Variants in IL17D observed in about 807,000 individuals in gnomAD.
IL17D encodes interleukin 17D.
In IL17D, 10 loss-of-function variants were observed where a neutral mutation model predicts 5.7. The ratio of observed to expected loss-of-function variants is 1.75; its 90% confidence interval spans 1.08 to 2.97. The LOEUF (loss-of-function observed/expected upper bound fraction) is 2.97. Among genes scored for constraint, IL17D ranks in the 30% most tolerant of loss-of-function variants. The pLI is 0.00. For missense variants in IL17D, 354 were observed against 292.7 expected, an observed-to-expected ratio of 1.21 and a Z score of -1.53; for synonymous variants, 172 against 141.7, an observed-to-expected ratio of 1.21 and a Z score of -1.52.
At position 20,716,319 on chromosome 13, in the gene IL17D, C is replaced by T. The variant is rs927515836; in HGVS notation, c.291-5317C>T. On this transcript the variant is annotated intron_variant, in intron 1 of 1. Coordinates refer to ENST00000682841, the MANE Select transcript of IL17D (RefSeq NM_001385224.1). This position sits in a 1 kb window ranked among gnomAD's most constrained non-coding sequence, Gnocchi z 4.2. Reference sequence around the variant, plus strand: ...TGTCTTGAGTATTCTTGGCCCTTTTCTTCTCTCTCTATGAATTTTAGGATC... The same window carrying T: ...TGTCTTGAGTATTCTTGGCCCTTTTTTTCTCTCTCTATGAATTTTAGGATC... 6.6e-6 allele frequency among the ~76,000 whole-genome samples: 1 copy of T among 152,138 alleles called. No homozygotes were observed. The highest frequency in any genetic ancestry group is 2.4e-5 in the African/African-American group (1 of 41,428).
chr13:20,721,535 G>A, intron 1 of IL17D, 101 bp from the exon 2 acceptor site: 1 of 969,360 alleles, frequency 1.0e-6, no homozygotes, highest in South Asian at 1.7e-5. Context: ...CGGAGGACAG[G>A]ACAGTCCCCG....
At chr13:20,708,844 A>G (rs904597274) in intron 1 of IL17D, among the ~76,000 whole-genome samples, 2 of 18,786 alleles carry the variant, frequency 1.1e-4, no homozygotes, top group African/African-American at 3.8e-4. Flanking sequence ...CTAAAAATAC[A>G]AAAAAAAAAA....
At chr13:20,713,334 T>G (rs1378193498) in intron 1 of IL17D, 1 of 152,194 alleles carries the variant, frequency 6.6e-6, no homozygotes, top group East Asian at 1.9e-4. Flanking sequence ...AAGCAGCTTA[T>G]TTAAGAAATG....
chr13:20,712,768 G>A (rs1478825757), intron 1 of IL17D: 1 of 152,080 alleles, frequency 6.6e-6, no homozygotes, highest in Admixed American at 6.5e-5. Context: ...TGTCTGCAGC[G>A]GCGTCTCTGG....
At chr13:20,712,218 C>A (rs904104098) in intron 1 of IL17D, among the ~76,000 whole-genome samples, 14 of 152,222 alleles carry the variant, frequency 9.2e-5, no homozygotes, top group Admixed American at 2.6e-4. Context: ...AAAAATTTAT[C>A]TAAGGGGTTA....
chr13:20,704,842 G>T (rs1004146700), intron 1 of IL17D, among the ~76,000 whole-genome samples: 1 of 152,146 alleles, frequency 6.6e-6, no homozygotes, highest in Non-Finnish European at 1.5e-5. Flanking sequence ...GAGTGCCCCT[G>T]TGGTCCAGAG....
At chr13:20,713,119 A>C (rs987095958) in intron 1 of IL17D, 1 of 152,136 alleles carries the variant, frequency 6.6e-6, no homozygotes, top group Non-Finnish European at 1.5e-5. Flanking sequence ...CACATAGTAC[A>C]TGAGCACAGG....
intron 1 of IL17D, among the ~76,000 whole-genome samples, chr13:20,719,322 C>T (rs1469758467): frequency 1.3e-5 from 2 of 148,264 alleles, no homozygotes; most frequent in East Asian, 2.0e-4. Context: ...TGCCCATACT[C>T]AGATGCCCAC....
At chr13:20,714,375 C>T (rs564166166) in intron 1 of IL17D, among the ~76,000 whole-genome samples, 19 of 152,346 alleles carry the variant, frequency 1.2e-4, no homozygotes, top group African/African-American at 4.3e-4. Flanking sequence ...CACACCGCAT[C>T]TGTTATTACC....
Position 20,721,932 on chromosome 13 carries a change from A to T in IL17D, c.587A>T (p.Asn196Ile), listed in dbSNP as rs563347690. The part of the protein sequence containing the change: ...KQGAKLLLGP[N>I]DAPAGP ...GGCGCCAAGCTCCTGCTGGGCCCCA[A>T]CGACGCGCCCGCTGGCCCCTGAGGC... is the stretch of plus-strand genomic sequence containing the variant. The change falls in exon 2 of 2, where the codon AAC (asparagine) becomes ATC (isoleucine). Residue 196 changes from asparagine to isoleucine, a missense_variant. Transcript: ENST00000682841. 6 of 1,599,192 alleles carry T rather than the reference A, an allele frequency of 3.8e-6. No individual in the cohort carries two copies. The South Asian group carries it at 6.6e-5, about 18-fold the overall frequency.
intron 1 of IL17D, among the ~76,000 whole-genome samples, chr13:20,714,469 G>A (rs142498571): frequency 1.4e-4 from 21 of 152,340 alleles, no homozygotes; most frequent in Middle Eastern, 3.4e-3. Context: ...GGACAAGTCC[G>A]CTACTCTGTT....
At chr13:20,717,507 C>G (rs915261231) in intron 1 of IL17D, 69 of 152,368 alleles carry the variant, frequency 4.5e-4, no homozygotes, top group African/African-American at 1.6e-3. Flanking sequence ...AGCTCTGAGT[C>G]TGTGCCAGCG....
rs1175577069 is a variant in IL17D, at chr13:20,704,229, G to T, written c.228G>T (p.Arg76Ser). 1.4e-5 allele frequency: 19 copies of T among 1,325,562 alleles called. No homozygotes were observed. The highest frequency in any genetic ancestry group is 1.7e-5 in the Non-Finnish European group (18 of 1,038,066). The allele number at this position is 1,325,562 out of a possible 1,614,324, so 82.1% of individuals were successfully genotyped here. Reference protein sequence around the residue: ...ARNASCPAGGRPADRRFRPPT... With the variant: ...ARNASCPAGGSPADRRFRPPT... ...ACGCGAGCTGCCCGGCAGGGGGCAG[G>T]CCCGCCGACCGCCGCTTCCGGCCGC... Residue 76 changes from arginine (R) to serine (S), a missense_variant, in exon 1 of 2, where the codon AGG becomes AGT. Physicochemically the swap from Arg to Ser is moderately radical, Grantham distance 110. Transcript: ENST00000682841.
intron 1 of IL17D, among the ~76,000 whole-genome samples, chr13:20,706,158 G>A (rs7982793): frequency 9.2e-5 from 14 of 152,130 alleles, no homozygotes; most frequent in Admixed American, 2.0e-4. Context: ...GACCCCTCCC[G>A]CCCTTCTCAC....
At chr13:20,718,221 G>A (rs1323275444) in intron 1 of IL17D, among the ~76,000 whole-genome samples, 1 of 152,064 alleles carries the variant, frequency 6.6e-6, no homozygotes, top group African/African-American at 2.4e-5. Context: ...GAGTTTCCAG[G>A]AGCAAGATCA....
At chr13:20,708,765 C>T (rs374800076) in intron 1 of IL17D, among the ~76,000 whole-genome samples, 12 of 148,248 alleles carry the variant, frequency 8.1e-5, no homozygotes, top group Admixed American at 2.0e-4. Flanking sequence ...TTTGGGAGGC[C>T]GAGGCAGGAG....
chr13:20,712,003 C>G (rs2058641580), intron 1 of IL17D, among the ~76,000 whole-genome samples: 1 of 152,350 alleles, frequency 6.6e-6, no homozygotes, highest in South Asian at 2.1e-4. Context: ...GGCCCATTCA[C>G]TGCGACCTGT....
chr13:20,718,456 AC>A (rs1385314937), intron 1 of IL17D, among the ~76,000 whole-genome samples: 1 of 144,178 alleles, frequency 6.9e-6, no homozygotes, highest in African/African-American at 2.6e-5. Context: ...ATGCTCACAC[AC>A]CCACACACAC....
intron 1 of IL17D, among the ~76,000 whole-genome samples, chr13:20,706,974 C>A (rs1444059997): frequency 6.6e-6 from 1 of 152,170 alleles, no homozygotes; most frequent in Non-Finnish European, 1.5e-5. Flanking sequence ...GATGAGATCA[C>A]TCCCCATGGG....
Sources: gnomAD v4.1 joint callset for allele counts (sites outside exome capture counted in the v4.1 genomes callset) on GRCh38, gnomAD v4.1.1 for gene constraint, Gnocchi (gnomAD v3.1) non-coding constraint, MANE v1.5 for transcripts, NCBI Gene and HGNC (gene_info 2026-07-23, HGNC 2026-07-21) for gene names.